Variants in PTPN23 observed in about 807,000 individuals in gnomAD.
PTPN23 encodes the protein tyrosine-protein phosphatase non-receptor type 23.
Under a neutral mutation model 156.3 loss-of-function variants are expected in PTPN23, and 72 were observed. The ratio of observed to expected loss-of-function variants is 0.46; its 90% CI spans 0.38 to 0.56. PTPN23 has a LOEUF of 0.56. PTPN23 is among the 20% of genes least tolerant of loss of function. The probability of loss-of-function intolerance (pLI) is 0.00; values close to 1 mark genes in which losing one functional copy is unlikely to be tolerated. For missense variants in PTPN23, 1,974 were observed against 2,171.5 expected, an observed-to-expected ratio of 0.91 and a Z score of 1.81; for synonymous variants, 957 against 899.6, an observed-to-expected ratio of 1.06 and a Z score of -1.14.
In PTPN23 at chr3:47,407,738, C is replaced by G. The variant is rs1705164065; in HGVS notation, c.1045C>G (p.Pro349Ala). The G allele has an allele frequency of 6.2e-7, 1 of 1,614,028 alleles. No homozygotes were observed. The highest frequency in any genetic ancestry group is 1.7e-5 in the Admixed American group (1 of 60,000). Residue 349 changes from proline (P) to alanine (A), a missense_variant, in exon 13 of 25, where the codon CCA becomes GCA. Pro to Ala is a conservative substitution (Grantham distance 27, BLOSUM62 -1). Around this residue, in one of 4 missense-constraint regions of PTPN23, gnomAD observed 726 missense variants for 929.5 expected, o/e 0.78. Coordinates refer to ENST00000265562, the MANE Select transcript of PTPN23 (RefSeq NM_015466.4). The surrounding 1 kb of genome is among the most constrained non-coding windows in gnomAD (Gnocchi z 4.0). Reference sequence around the variant, plus strand: ...GCCCTTGCCAGTGAACCCCACAGACCCAGCTGTTACAGGCCCTGACATCTT... The same window carrying G: ...GCCCTTGCCAGTGAACCCCACAGACGCAGCTGTTACAGGCCCTGACATCTT... ...VKPLPVNPTD[P>A]AVTGPDIFAK...
At position 47,411,993 on chromosome 3, in the gene PTPN23, T is replaced by C. The variant is rs561040272; in HGVS notation, c.4073+26T>C. The stretch of plus-strand genomic sequence containing the variant: ...GTGAGTCCACTGCTCTGGATGGTGG[T>C]TGGGGGTCTAAGTGCTGTCCAGTCC... On this transcript the variant is annotated intron_variant, in intron 21 of 24. Transcript: ENST00000265562. This position sits in a 1 kb window ranked among gnomAD's most constrained non-coding sequence, Gnocchi z 6.3. The C allele has an allele frequency of 2.2e-5, 36 of 1,606,618 alleles. No individual in the cohort carries two copies. In the South Asian group the frequency reaches 2.9e-4, roughly 13 times the overall value.
At chr3:47,386,659 A>G (rs1219959386) in intron 1 of PTPN23, among the ~76,000 whole-genome samples, 1 of 152,162 alleles carries the variant, frequency 6.6e-6, no homozygotes, top group Non-Finnish European at 1.5e-5. Flanking sequence ...AGAGGACTAG[A>G]GGCCTAAAAG....
At chr3:47,386,805 C>T (rs573434114) in intron 1 of PTPN23, among the ~76,000 whole-genome samples, 2 of 152,344 alleles carry the variant, frequency 1.3e-5, no homozygotes, top group African/African-American at 4.8e-5. Flanking sequence ...TGCAGCGGAA[C>T]AGCTCCAGGC....
At chr3:47,386,879 A>G (rs1374353275) in intron 1 of PTPN23, among the ~76,000 whole-genome samples, 2 of 152,206 alleles carry the variant, frequency 1.3e-5, no homozygotes, top group Admixed American at 1.3e-4. Flanking sequence ...GCCTATATCC[A>G]TTTCAGTTAG....
Position 47,406,470 on chromosome 3 carries a change from C to G in PTPN23, c.628-11C>G, listed in dbSNP as rs1444570453. ...GACTCCCCCACTCATTGGGCCCCAC[C>G]CTGTTCTCAGGTGGTAGATTACTAC... On this transcript the variant is annotated splice_polypyrimidine_tract_variant and intron_variant, in intron 7 of 24. Coordinates refer to ENST00000265562, the MANE Select transcript of PTPN23 (RefSeq NM_015466.4). The surrounding 1 kb of genome is among the most constrained non-coding windows in gnomAD (Gnocchi z 5.8). 2 of 1,613,832 alleles carry G rather than the reference C, an allele frequency of 1.2e-6. No individual in the cohort carries two copies. Among genetic ancestry groups the G allele is most frequent in the Non-Finnish European group, 1.7e-6 (2 of 1,179,984 alleles).
intron 2 of PTPN23, among the ~76,000 whole-genome samples, chr3:47,400,999 T>C (rs1378077279): frequency 2.3e-4 from 33 of 144,964 alleles, no homozygotes; most frequent in African/African-American, 6.5e-4. Flanking sequence ...GCCTCCCGGG[T>C]TCACGCCATT....
In PTPN23 at chr3:47,411,472, A is replaced by T. The variant is rs1210916161; in HGVS notation, c.3674A>T (p.Asp1225Val). 6.2e-7 allele frequency: 1 copy of T among 1,613,164 alleles called. No homozygotes were observed. Among genetic ancestry groups the T allele is most frequent in the South Asian group, 1.1e-5 (1 of 91,078 alleles). Residue 1225 changes from aspartate (D) to valine (V), a missense_variant, in exon 20 of 25, where the codon GAT becomes GTT. Physicochemically the swap from Asp to Val is radical, Grantham distance 152. Transcript: ENST00000265562. The surrounding 1 kb of genome is among the most constrained non-coding windows in gnomAD (Gnocchi z 6.3). ...TACTCACTGAAGAACCGGCACCAGG[A>T]TGTCATGCCCTATGACAGTAACCGT... ...RCYSLKNRHQ[D>V]VMPYDSNRVV...
rs1413744775 is a variant in PTPN23 at position 47,409,497 on chromosome 3, C to T, written c.1878C>T (p.Val626=). The change falls in exon 18 of 25, where the codon GTC becomes GTT. Residue 626 remains valine (V), a synonymous_variant. Coordinates refer to ENST00000265562, the MANE Select transcript of PTPN23 (RefSeq NM_015466.4). ...AGAACCTGGCCGCCCAGGACCGTGT[C>T]CTCTGTGCACTGACAGAGGCCAACG... ...LEQNLAAQDR[V]LCALTEANVQ... The T allele has an allele frequency of 8.1e-6, 13 of 1,614,012 alleles. No homozygotes were observed. In the East Asian group the frequency reaches 1.6e-4, roughly 19 times the overall value.
At position 47,405,752 on chromosome 3, in the gene PTPN23, C is replaced by T. The variant is rs548310469; in HGVS notation, c.368C>T (p.Ala123Val). ...ACACTGTCCCCTCCCTCCCCAGGAG[C>T]GCTGCACTCCATGCTGGGGGCCATG... The part of the protein sequence containing the change: ...EQACILYNLG[A>V]LHSMLGAMDK... The change falls in exon 5 of 25, where the codon GCG becomes GTG. Residue 123 changes from alanine (A) to valine (V), a missense_variant. Ala to Val is a moderately conservative substitution (Grantham distance 64). Coordinates refer to ENST00000265562, the MANE Select transcript of PTPN23 (RefSeq NM_015466.4). The surrounding 1 kb of genome is among the most constrained non-coding windows in gnomAD (Gnocchi z 4.7). The T allele has an allele frequency of 6.3e-6, 10 of 1,599,196 alleles. No individual in the cohort carries two copies. In the Admixed American group the frequency reaches 7.0e-5, roughly 11 times the overall value.
In PTPN23 at chr3:47,409,968, A is replaced by G; in HGVS notation, c.2170A>G (p.Lys724Glu). The stretch of plus-strand genomic sequence containing the variant: ...GCCGCCGCCACGGCCCACAGCCCCA[A>G]AGCCGCTGCTGCCCCGCAGGGAGGA... Reference protein sequence around the residue: ...KKPPPRPTAPKPLLPRREESE... With the variant: ...KKPPPRPTAPEPLLPRREESE... The change falls in exon 20 of 25, where the codon AAG becomes GAG. Residue 724 changes from lysine (K) to glutamate (E), a missense_variant. Physicochemically the swap from Lys to Glu is moderately conservative, Grantham distance 56. Coordinates refer to ENST00000265562, the MANE Select transcript of PTPN23 (RefSeq NM_015466.4). 1.9e-6 allele frequency: 3 copies of G among 1,581,448 alleles called. No homozygotes were observed. The highest frequency in any genetic ancestry group is 2.6e-6 in the Non-Finnish European group (3 of 1,165,890).
Position 47,410,035 on chromosome 3 carries a change from G to A in PTPN23, c.2237G>A (p.Arg746His), listed in dbSNP as rs779157070. Residue 746 changes from arginine to histidine, a missense_variant, in exon 20 of 25, where the codon CGC becomes CAC. By Grantham distance (29) the Arg-to-His change is conservative. This residue lies in a region of PTPN23 where 731 missense variants were observed against 669.1 expected (regional missense o/e 1.09). Coordinates refer to ENST00000265562, the MANE Select transcript of PTPN23 (RefSeq NM_015466.4). Reference protein sequence around the residue: ...VEAGDPPEELRSLPPDMVAGP... With the variant: ...VEAGDPPEELHSLPPDMVAGP... ...GCAGGAGACCCCCCTGAGGAGCTGC[G>A]CAGCCTCCCCCCTGACATGGTGGCT... 1.2e-5 allele frequency: 19 copies of A among 1,610,780 alleles called. No homozygotes were observed. The Admixed American group carries it at 1.3e-4, about 11-fold the overall frequency.
chr3:47,406,524 C>G lies in PTPN23; in HGVS notation c.671C>G (p.Pro224Arg). Residue 224 changes from proline to arginine, a missense_variant, in exon 8 of 25, where the codon CCC becomes CGC. By Grantham distance (103) the Pro-to-Arg change is moderately radical (BLOSUM62 -2). Around this residue, in one of 4 missense-constraint regions of PTPN23, gnomAD observed 726 missense variants for 929.5 expected, o/e 0.78. Transcript: ENST00000265562. This position sits in a 1 kb window ranked among gnomAD's most constrained non-coding sequence, Gnocchi z 5.8. Reference sequence around the variant, plus strand: ...GAGGCATGCCGGGCCTTGGAGAACCCCGACACTGCCTCACTGCTGGGCCGG... The same window carrying G: ...GAGGCATGCCGGGCCTTGGAGAACCGCGACACTGCCTCACTGCTGGGCCGG... ...YKEACRALEN[P>R]DTASLLGRIQ... 6.2e-7 allele frequency: 1 copy of G among 1,613,986 alleles called. No homozygotes were observed. Among genetic ancestry groups the G allele is most frequent in the Non-Finnish European group, 8.5e-7 (1 of 1,180,006 alleles).
Position 47,412,683 on chromosome 3 carries a change from C to T in PTPN23, c.4432-23C>T, listed in dbSNP as rs1475640460. ...GAGCCACAGCCTTGGGACTCCCTCT[C>T]CTCACTCACTCTGTCTTCTCAGAAC... On this transcript the variant is annotated intron_variant, in intron 24 of 24. Transcript: ENST00000265562. 1.9e-6 allele frequency: 3 copies of T among 1,599,848 alleles called. No individual in the cohort carries two copies. In the South Asian group the frequency reaches 3.4e-5, roughly 18 times the overall value.
chr3:47,412,012 C>T (rs1188516977), intron 21 of PTPN23, 45 bp downstream of exon 21: 2 of 1,606,196 alleles, frequency 1.2e-6, no homozygotes, highest in South Asian at 1.1e-5. Context: ...TAAGTGCTGT[C>T]CAGTCCTTGG....
chr3:47,406,763 G>A lies in PTPN23; in HGVS notation c.807+13G>A, dbSNP rs1172170148. 18 of 1,613,272 alleles carry A rather than the reference G, an allele frequency of 1.1e-5. No homozygotes were observed. Among genetic ancestry groups the A allele is most frequent in the Non-Finnish European group, 1.4e-5 (16 of 1,179,878 alleles). ...GTTCGGGGAGCGGGTGAGCTACAGC[G>A]AGGAGGGGACTGGGGACCAATGGCA... is the stretch of plus-strand genomic sequence containing the variant. On this transcript the variant is annotated intron_variant, in intron 9 of 24. Transcript: ENST00000265562. This position sits in a 1 kb window ranked among gnomAD's most constrained non-coding sequence, Gnocchi z 5.8.
In PTPN23 at chr3:47,411,207, G is replaced by A; in HGVS notation, c.3409G>A (p.Gly1137Arg). The part of the protein sequence containing the change: ...QHGGTQSPGG[G>R]QPLLQPTKVD... ...TGGCGGCACTCAGTCTCCTGGGGGTGGGCAGCCCCTGCTGCAGCCCACCAA... is the reference window on the plus strand; with the variant it reads ...TGGCGGCACTCAGTCTCCTGGGGGTAGGCAGCCCCTGCTGCAGCCCACCAA... The change falls in exon 20 of 25, where the codon GGG (glycine) becomes AGG (arginine). Residue 1137 changes from glycine to arginine, a missense_variant. Gly to Arg is a moderately radical substitution (Grantham distance 125). Transcript: ENST00000265562. This position sits in a 1 kb window ranked among gnomAD's most constrained non-coding sequence, Gnocchi z 6.3. The A allele has an allele frequency of 1.9e-6, 3 of 1,604,518 alleles. No homozygotes were observed. The highest frequency in any genetic ancestry group is 2.5e-6 in the Non-Finnish European group (3 of 1,178,160).
At chr3:47,393,644 C>A (rs576455483) in intron 1 of PTPN23, among the ~76,000 whole-genome samples, 2 of 152,266 alleles carry the variant, frequency 1.3e-5, no homozygotes, top group South Asian at 4.1e-4. Context: ...CTAAGAAAAT[C>A]TACAATAATT....
chr3:47,396,025 C>T (rs1292568623), intron 1 of PTPN23, 118 bp from the exon 2 acceptor site: 7 of 698,754 alleles, frequency 1.0e-5, no homozygotes, highest in Non-Finnish European at 7.2e-6. Context: ...GTCCAGGAGA[C>T]ACGCTTATGG....
Position 47,395,396 on chromosome 3 carries a change from A to G in PTPN23, c.85-747A>G, listed in dbSNP as rs529967535. 6.6e-5 allele frequency among the ~76,000 whole-genome samples: 10 copies of G among 152,326 alleles called. 1 individual carries two copies. In the South Asian group the frequency reaches 2.1e-3, roughly 32 times the overall value. On this transcript the variant is annotated intron_variant, in intron 1 of 24. Coordinates refer to ENST00000265562, the MANE Select transcript of PTPN23 (RefSeq NM_015466.4). ...AGACACCAGCAGCAAGTACTGCAAC[A>G]GGGACAGTTGCAGTTGCCTTAGTCT...
Sources: gnomAD v4.1 joint callset for allele counts (sites outside exome capture counted in the v4.1 genomes callset) on GRCh38, gnomAD v4.1.1 for gene constraint, gnomAD v4.1.1 regional missense constraint, Gnocchi (gnomAD v3.1) non-coding constraint, MANE v1.5 for transcripts, NCBI Gene and HGNC (gene_info 2026-07-23, HGNC 2026-07-21) for gene names.